SYNE3: variants seen among roughly 807,000 people sequenced by gnomAD.
The protein encoded by SYNE3 is spectrin repeat containing nuclear envelope family member 3, also known as nesprin-3.
A neutral mutation model predicts 111.2 loss-of-function variants in SYNE3; 100 were observed. That is an observed-to-expected ratio of 0.90 (90% confidence interval 0.77 to 1.06). The LOEUF is 1.06. Ranked by LOEUF, SYNE3 falls within the 50% of genes least tolerant of loss-of-function variation. The pLI is 0.00. For missense variants in SYNE3, 1,160 were observed against 1,240.3 expected (o/e 0.94, Z 0.97); for synonymous variants, 547 against 533.9 (o/e 1.02, Z -0.34).
chr14:95,509,308 G>A (rs575866720), intron 1 of SYNE3, among the ~76,000 whole-genome samples: 47 of 152,296 alleles, frequency 3.1e-4, no homozygotes, highest in African/African-American at 1.1e-3. Context: ...GCCACGATGA[G>A]CTAGGGGCTT....
intron 1 of SYNE3, among the ~76,000 whole-genome samples, chr14:95,476,438 C>T (rs1353686550): frequency 2.6e-5 from 4 of 152,348 alleles, no homozygotes; most frequent in South Asian, 4.1e-4. Context: ...CAGCACTCCT[C>T]GCAACCACTG....
intron 2 of SYNE3, 42 bp downstream of exon 2, chr14:95,475,636 G>C: frequency 7.0e-7 from 1 of 1,431,278 alleles, no homozygotes; most frequent in Non-Finnish European, 9.2e-7. Context: ...GGTGGGATGG[G>C]GCCAAGACCA....
rs754346632 is a variant in SYNE3 at position 95,433,426 on chromosome 14, C to A, written c.2539-17G>T. 3 of 1,612,558 alleles carry A rather than the reference C, an allele frequency of 1.9e-6. No homozygotes were observed. Among genetic ancestry groups the A allele is most frequent in the Admixed American group, 1.7e-5 (1 of 59,918 alleles). ...CTCCAGCTCCTGGGGGAAACAGCAG[C>A]GTCATGGTGCGGCTTCCAAATGGCC... is the stretch of plus-strand genomic sequence containing the variant. On this transcript the variant is annotated splice_polypyrimidine_tract_variant and intron_variant, in intron 15 of 17. Coordinates refer to ENST00000682763, the MANE Select transcript of SYNE3 (RefSeq NM_152592.6).
intron 1 of SYNE3, among the ~76,000 whole-genome samples, chr14:95,486,647 G>A (rs947039555): frequency 3.3e-5 from 5 of 152,092 alleles, no homozygotes; most frequent in Non-Finnish European, 5.9e-5. Flanking sequence ...ATGGACAGAC[G>A]CTTTTAAAGC....
intron 1 of SYNE3, among the ~76,000 whole-genome samples, 21 bp downstream of exon 1, chr14:95,516,575 T>C (rs1890948080): frequency 9.6e-6 from 1 of 103,706 alleles, no homozygotes; most frequent in South Asian, 3.9e-4. Flanking sequence ...AGGCCTGGCC[T>C]CCCGGCCCCG....
intron 1 of SYNE3, among the ~76,000 whole-genome samples, chr14:95,483,834 G>T (rs778432086): frequency 6.6e-6 from 1 of 152,204 alleles, no homozygotes; most frequent in Non-Finnish European, 1.5e-5. Context: ...CTGTCCACCA[G>T]CTAGGCATGG....
intron 1 of SYNE3, among the ~76,000 whole-genome samples, chr14:95,510,463 G>A (rs1890682298): frequency 6.6e-6 from 1 of 152,332 alleles, no homozygotes; most frequent in African/African-American, 2.4e-5. Context: ...GGGAAGGCAG[G>A]AAGAATATCT....
At chr14:95,499,269 C>T (rs1202553737) in intron 1 of SYNE3, among the ~76,000 whole-genome samples, 3 of 152,218 alleles carry the variant, frequency 2.0e-5, no homozygotes, top group African/African-American at 7.2e-5. Flanking sequence ...GGGTCAAAGG[C>T]TTTTCTGAAT....
At chr14:95,503,820 A>G (rs1696405442) in intron 1 of SYNE3, among the ~76,000 whole-genome samples, 1 of 151,894 alleles carries the variant, frequency 6.6e-6, no homozygotes, top group Non-Finnish European at 1.5e-5. Flanking sequence ...GGGTCTCACC[A>G]TGTTGCCCAT....
chr14:95,455,770 A>G (rs761074934), intron 5 of SYNE3, 46 bp from the exon 6 acceptor site: 2 of 1,583,052 alleles, frequency 1.3e-6, no homozygotes, highest in South Asian at 1.1e-5. Context: ...GGGAAAAAGA[A>G]TACAGTTGCT....
intron 8 of SYNE3, chr14:95,449,712 G>A (rs1014076098): frequency 9.2e-6 from 9 of 980,058 alleles, no homozygotes; most frequent in Middle Eastern, 5.2e-4. Context: ...TCCGTACGGA[G>A]CCCCGGGTTA....
chr14:95,478,162 T>C (rs376365950), intron 1 of SYNE3, among the ~76,000 whole-genome samples: 2 of 152,324 alleles, frequency 1.3e-5, no homozygotes, highest in African/African-American at 4.8e-5. Flanking sequence ...TGGGCGAGGC[T>C]GCAGGCAGAG....
chr14:95,457,619 T>A (rs1887550392), intron 4 of SYNE3, among the ~76,000 whole-genome samples: 1 of 152,170 alleles, frequency 6.6e-6, no homozygotes. Flanking sequence ...ATCCTAGGAA[T>A]GGCATTCAAG....
At chr14:95,476,135 C>T (rs1888876228) in intron 1 of SYNE3, among the ~76,000 whole-genome samples, 3 of 152,234 alleles carry the variant, frequency 2.0e-5, no homozygotes, top group African/African-American at 4.8e-5. Flanking sequence ...AGGCAATTCT[C>T]GTCTGTCTAT....
intron 8 of SYNE3, among the ~76,000 whole-genome samples, chr14:95,447,387 C>T (rs540725314): frequency 2.0e-5 from 3 of 152,248 alleles, no homozygotes; most frequent in South Asian, 2.1e-4. Context: ...CCGCCCACCT[C>T]GGCCTCCCAA....
chr14:95,435,121 C>A (rs1886013733), intron 15 of SYNE3, among the ~76,000 whole-genome samples: 1 of 151,844 alleles, frequency 6.6e-6, no homozygotes, highest in Admixed American at 6.6e-5. Flanking sequence ...TAGATACAAT[C>A]TGTAAAAAGC....
At chr14:95,430,966 G>A (rs1442222690) in intron 17 of SYNE3, among the ~76,000 whole-genome samples, 2 of 152,224 alleles carry the variant, frequency 1.3e-5, no homozygotes. Flanking sequence ...CAGTCCATTG[G>A]TTACCCACTC....
intron 5 of SYNE3, 115 bp from the exon 6 acceptor site, chr14:95,455,839 G>A (rs899216673): frequency 7.7e-5 from 83 of 1,073,092 alleles, no homozygotes; most frequent in Admixed American, 5.2e-4. Context: ...GGAGTCCTGC[G>A]TTAGAGCCAG....
chr14:95,413,451 T>C lies in SYNE3; in HGVS notation c.*4375A>G, dbSNP rs1377620636. 1 of 152,288 alleles carries C rather than the reference T, an allele frequency of 6.6e-6. No individual in the cohort carries two copies. Among genetic ancestry groups the C allele is most frequent in the Non-Finnish European group, 1.5e-5 (1 of 68,140 alleles). 9.4% of individuals were successfully genotyped at this position (152,288 alleles called of 1,614,324 possible). A position where few individuals can be genotyped will look rare whatever the true frequency, so the allele number is the denominator to read the frequency against. On this transcript the variant is annotated 3_prime_UTR_variant, in exon 18 of 18. Coordinates refer to ENST00000682763, the MANE Select transcript of SYNE3 (RefSeq NM_152592.6). ...CCAGTCAGGCCTGGCTCCAGTCTAATGGAAGAGATAAGATCCCCTCTTTAC... is the reference window on the plus strand; with the variant it reads ...CCAGTCAGGCCTGGCTCCAGTCTAACGGAAGAGATAAGATCCCCTCTTTAC...
Sources: gnomAD v4.1 joint callset for allele counts (sites outside exome capture counted in the v4.1 genomes callset) on GRCh38, gnomAD v4.1.1 for gene constraint, MANE v1.5 for transcripts, NCBI Gene and HGNC (gene_info 2026-07-23, HGNC 2026-07-21) for gene names.